The following C8orf34 variants were observed in gnomAD, a reference collection of about 807,000 sequenced individuals.
C8orf34 encodes chromosome 8 open reading frame 34, also known as uncharacterized protein C8orf34.
C8orf34 carries 65 observed loss-of-function variants against 68.3 expected under a neutral mutation model. The observed-to-expected ratio is 0.95, with a 90% CI of 0.78 to 1.17. The LOEUF (loss-of-function observed/expected upper bound fraction) is 1.17, where lower values mean the gene tolerates loss of function less well. Ranked by LOEUF, C8orf34 falls within the 50% of genes most tolerant of loss-of-function variation. The pLI is 0.00. For missense variants in C8orf34, 664 were observed against 655.4 expected, an observed-to-expected ratio of 1.01 and a Z score of -0.14; for synonymous variants, 244 against 241.2, an observed-to-expected ratio of 1.01 and a Z score of -0.11.
chr8:68,407,555 G>T (rs939846149), intron 1 of C8orf34, among the ~76,000 whole-genome samples: 1 of 152,054 alleles, frequency 6.6e-6, no homozygotes, highest in Non-Finnish European at 1.5e-5. Context: ...TCTTCAGGAT[G>T]TTTACTCATG....
At chr8:68,708,955 C>A in intron 8 of C8orf34, 39 bp from the exon 9 acceptor site, 2 of 1,420,580 alleles carry the variant, frequency 1.4e-6, no homozygotes, top group Middle Eastern at 1.8e-4. Context: ...CACAATTTAA[C>A]ATTATGAGAT....
At chr8:68,780,886 G>T (rs1203118174) in intron 11 of C8orf34, among the ~76,000 whole-genome samples, 2 of 152,190 alleles carry the variant, frequency 1.3e-5, no homozygotes, top group East Asian at 3.8e-4. Flanking sequence ...CATTTTAACG[G>T]AAGTGATTTT....
At chr8:68,665,109 G>T (rs1819798670) in intron 8 of C8orf34, among the ~76,000 whole-genome samples, 1 of 152,158 alleles carries the variant, frequency 6.6e-6, no homozygotes, top group African/African-American at 2.4e-5. Flanking sequence ...GATGACAGAA[G>T]TTTGGGAAAA....
chr8:68,340,931 A>G (rs1806043912), intron 1 of C8orf34, among the ~76,000 whole-genome samples: 1 of 152,222 alleles, frequency 6.6e-6, no homozygotes, highest in African/African-American at 2.4e-5. Context: ...TTCAGAAATA[A>G]AAAAACAACA....
chr8:68,682,035 G>C (rs1222404429), intron 8 of C8orf34, among the ~76,000 whole-genome samples: 3 of 152,060 alleles, frequency 2.0e-5, no homozygotes, highest in Non-Finnish European at 4.4e-5. Flanking sequence ...AAGTGGGTGG[G>C]GGAAGTGGGG....
At chr8:68,744,413 G>C (rs1585814088) in intron 10 of C8orf34, among the ~76,000 whole-genome samples, 1 of 152,166 alleles carries the variant, frequency 6.6e-6, no homozygotes, top group Admixed American at 6.5e-5. Context: ...AGAGAAGAAG[G>C]CTTCAGATGA....
chr8:68,562,713 C>G (rs1211249694), intron 7 of C8orf34, among the ~76,000 whole-genome samples: 1 of 152,136 alleles, frequency 6.6e-6, no homozygotes, highest in African/African-American at 2.4e-5. Flanking sequence ...GGCAAAATCC[C>G]TTGATGCATA....
At chr8:68,579,830 C>T (rs1387475410) in intron 7 of C8orf34, among the ~76,000 whole-genome samples, 3 of 152,126 alleles carry the variant, frequency 2.0e-5, no homozygotes, top group Non-Finnish European at 4.4e-5. Context: ...ATAGTTTTAA[C>T]AGTCATCGTT....
At chr8:68,371,601 CTT>C (rs747648137) in intron 1 of C8orf34, among the ~76,000 whole-genome samples, 55 of 138,218 alleles carry the variant, frequency 4.0e-4, no homozygotes, top group African/African-American at 7.1e-4. Context: ...TCATTTCTTT[CTT>C]TTTTTTTTTT....
chr8:68,394,302 T>G (rs575270956), intron 1 of C8orf34, among the ~76,000 whole-genome samples: 30 of 140,652 alleles, frequency 2.1e-4, no homozygotes, highest in South Asian at 4.6e-4. Flanking sequence ...TATGTTCTCA[T>G]TGTTCAATTC....
chr8:68,473,192 G>A (rs183399583), intron 4 of C8orf34, among the ~76,000 whole-genome samples: 2 of 152,220 alleles, frequency 1.3e-5, no homozygotes, highest in East Asian at 3.9e-4. Flanking sequence ...GAAAGAAAAA[G>A]GAGAACAGTT....
At position 68,743,273 on chromosome 8, in the gene C8orf34, T is replaced by C. The variant is rs896101989; in HGVS notation, c.1404+21836T>C. Among the ~76,000 whole-genome samples the C allele has an allele frequency of 5.9e-5, 9 of 152,258 alleles. No individual in the cohort carries two copies. The East Asian group carries it at 1.3e-3, about 23-fold the overall frequency. ...ATGGATAAGAAGGAGGAATAGCATG[T>C]TTTTTTATTTTTCATTTTCTCCTAT... On this transcript the variant is annotated intron_variant, in intron 10 of 13. Coordinates refer to ENST00000518698, the MANE Select transcript of C8orf34 (RefSeq NM_052958.4).
intron 3 of C8orf34, among the ~76,000 whole-genome samples, chr8:68,461,927 T>A (rs1398629923): frequency 6.6e-6 from 1 of 152,168 alleles, no homozygotes; most frequent in Non-Finnish European, 1.5e-5. Flanking sequence ...CAGGATCAAA[T>A]TCACACATAA....
At chr8:68,391,899 C>G (rs1177069253) in intron 1 of C8orf34, among the ~76,000 whole-genome samples, 1 of 152,066 alleles carries the variant, frequency 6.6e-6, no homozygotes, top group African/African-American at 2.4e-5. Context: ...GTCACTCAGA[C>G]ATTTAAGGAA....
chr8:68,759,179 T>A (rs1822957405), intron 10 of C8orf34, among the ~76,000 whole-genome samples: 1 of 152,140 alleles, frequency 6.6e-6, no homozygotes, highest in Non-Finnish European at 1.5e-5. Flanking sequence ...CAAGTCACAT[T>A]TTTTACCCAT....
Position 68,488,044 on chromosome 8 carries a change from T to G in C8orf34, c.758T>G (p.Leu253Arg), listed in dbSNP as rs1470698752. ...CCAGGTATTGCAATTTCAGATGAAC[T>G]CGATAAGGTAAGTTGAACTATACAT... ...LSRSIAISDE[L>R]DKETVTFNSS... Residue 253 changes from leucine (L) to arginine (R), a missense_variant, in exon 5 of 14, where the codon CTC (leucine) becomes CGC (arginine). By Grantham distance (102) the Leu-to-Arg change is moderately radical. Transcript: ENST00000518698. 6.3e-7 allele frequency: 1 copy of G among 1,592,648 alleles called. No homozygotes were observed. The highest frequency in any genetic ancestry group is 1.8e-5 in the Admixed American group (1 of 56,680).
At chr8:68,661,920 G>A (rs1439391362) in intron 8 of C8orf34, among the ~76,000 whole-genome samples, 1 of 151,962 alleles carries the variant, frequency 6.6e-6, no homozygotes, top group African/African-American at 2.4e-5. Context: ...TAGGAGAGAA[G>A]GAAGACTTTC....
chr8:68,486,905 C>T (rs950719295), intron 4 of C8orf34, among the ~76,000 whole-genome samples: 1 of 152,184 alleles, frequency 6.6e-6, no homozygotes, highest in Non-Finnish European at 1.5e-5. Flanking sequence ...TCTCTTGGCT[C>T]GTTCCCTACA....
At chr8:68,734,448 T>C (rs1308746363) in intron 10 of C8orf34, among the ~76,000 whole-genome samples, 1 of 152,166 alleles carries the variant, frequency 6.6e-6, no homozygotes, top group African/African-American at 2.4e-5. Flanking sequence ...AATAATACTT[T>C]GGTGGATTTG....
Sources: gnomAD v4.1 joint callset for allele counts (sites outside exome capture counted in the v4.1 genomes callset) on GRCh38, gnomAD v4.1.1 for gene constraint, MANE v1.5 for transcripts, NCBI Gene and HGNC (gene_info 2026-07-23, HGNC 2026-07-21) for gene names.